ITGA8: variants seen among roughly 807,000 people sequenced by gnomAD.
ITGA8 encodes integrin alpha-8.
ITGA8 carries 91 observed loss-of-function variants against 142.3 expected under a neutral mutation model. The observed-to-expected ratio is 0.64, with a 90% CI of 0.54 to 0.76. The LOEUF (loss-of-function observed/expected upper bound fraction) is 0.76. ITGA8 is among the 30% of genes least tolerant of loss of function. The pLI is 0.00. For missense variants in ITGA8, 1,406 were observed against 1,327.7 expected (o/e 1.06, Z -0.92); for synonymous variants, 505 against 485.2 (o/e 1.04, Z -0.54).
chr10:15,572,887 G>T (rs1337987236), intron 24 of ITGA8, among the ~76,000 whole-genome samples: 1 of 152,276 alleles, frequency 6.6e-6, no homozygotes, highest in East Asian at 1.9e-4. Context: ...GTGTTTCAAA[G>T]CTGAGCTCCT....
chr10:15,605,325 G>T (rs984845345), intron 19 of ITGA8, among the ~76,000 whole-genome samples: 1 of 152,146 alleles, frequency 6.6e-6, no homozygotes, highest in African/African-American at 2.4e-5. Context: ...TGTTTTGACA[G>T]TTTTAAGGAT....
chr10:15,670,776 C>T (rs760712094), intron 8 of ITGA8, among the ~76,000 whole-genome samples: 1 of 152,112 alleles, frequency 6.6e-6, no homozygotes, highest in East Asian at 1.9e-4. Flanking sequence ...TGAATAGATC[C>T]CAGAATTGTT....
chr10:15,644,355 A>G, intron 12 of ITGA8, 134 bp from the exon 13 acceptor site: 1 of 705,684 alleles, frequency 1.4e-6, no homozygotes, highest in African/African-American at 1.8e-5. Flanking sequence ...GCAGCCCCAC[A>G]CTCCCGGACT....
intron 2 of ITGA8, among the ~76,000 whole-genome samples, chr10:15,689,922 G>A (rs1360929545): frequency 6.6e-6 from 1 of 152,116 alleles, no homozygotes; most frequent in African/African-American, 2.4e-5. Flanking sequence ...CACCCCTTCG[G>A]CGCCAGAACC....
At chr10:15,537,332 A>C (rs1056670300) in intron 27 of ITGA8, among the ~76,000 whole-genome samples, 2 of 152,208 alleles carry the variant, frequency 1.3e-5, no homozygotes, top group African/African-American at 4.8e-5. Flanking sequence ...CTGACACTGA[A>C]ATAAGCAGAA....
At chr10:15,641,427 C>T (rs1013064509) in intron 13 of ITGA8, among the ~76,000 whole-genome samples, 1 of 152,128 alleles carries the variant, frequency 6.6e-6, no homozygotes, top group East Asian at 1.9e-4. Flanking sequence ...AGAATCTAGT[C>T]GCCTGCCTCT....
intron 2 of ITGA8, among the ~76,000 whole-genome samples, chr10:15,704,346 C>A (rs1835219203): frequency 6.6e-6 from 1 of 152,150 alleles, no homozygotes. Context: ...CACTACTGCA[C>A]CTGCTAATTT....
chr10:15,636,508 C>G (rs1833774323), intron 13 of ITGA8, among the ~76,000 whole-genome samples: 2 of 152,186 alleles, frequency 1.3e-5, no homozygotes, highest in South Asian at 4.1e-4. Context: ...AATTATTCCA[C>G]ACATTATTTC....
intron 2 of ITGA8, among the ~76,000 whole-genome samples, chr10:15,711,577 C>T (rs951751306): frequency 1.3e-5 from 2 of 151,904 alleles, no homozygotes; most frequent in African/African-American, 2.4e-5. Flanking sequence ...TGATCTACAG[C>T]ATCATGGGTT....
At chr10:15,664,553 A>G (rs1355141740) in intron 8 of ITGA8, among the ~76,000 whole-genome samples, 1 of 150,800 alleles carries the variant, frequency 6.6e-6, no homozygotes, top group Non-Finnish European at 1.5e-5. Flanking sequence ...TTTAGGGTAC[A>G]TGTGCACAAT....
intron 13 of ITGA8, among the ~76,000 whole-genome samples, chr10:15,635,883 CA>C (rs1833763415): frequency 6.6e-6 from 1 of 150,730 alleles, no homozygotes; most frequent in Non-Finnish European, 1.5e-5. Flanking sequence ...AGCCTCCTTC[CA>C]TGCGCAGGTT....
rs531517361 is a variant in ITGA8, at chr10:15,701,112, G to A, written c.344-13074C>T. Among the ~76,000 whole-genome samples, 32 of 152,148 alleles carry A rather than the reference G, an allele frequency of 2.1e-4. No homozygotes were observed. The South Asian group carries it at 2.7e-3, about 13-fold the overall frequency. Reference sequence around the variant, plus strand: ...CTATTCATTCAAAAATTTGTCAAGGGTACATTGTTCAGTATGATCCCACTT... The same window carrying A: ...CTATTCATTCAAAAATTTGTCAAGGATACATTGTTCAGTATGATCCCACTT... On this transcript the variant is annotated intron_variant, in intron 2 of 29. Coordinates refer to ENST00000378076, the MANE Select transcript of ITGA8 (RefSeq NM_003638.3).
At chr10:15,525,004 A>G (rs933328159) in intron 28 of ITGA8, among the ~76,000 whole-genome samples, 2 of 151,982 alleles carry the variant, frequency 1.3e-5, no homozygotes, top group African/African-American at 4.8e-5. Flanking sequence ...TTCAAATAAT[A>G]TTTATTTATT....
At chr10:15,664,222 A>C (rs982801092) in intron 8 of ITGA8, among the ~76,000 whole-genome samples, 1 of 152,182 alleles carries the variant, frequency 6.6e-6, no homozygotes, top group Non-Finnish European at 1.5e-5. Flanking sequence ...GTAAGAAGTG[A>C]GGTCAGGGTT....
intron 25 of ITGA8, among the ~76,000 whole-genome samples, chr10:15,568,487 G>A (rs1249933053): frequency 6.6e-6 from 1 of 152,160 alleles, no homozygotes; most frequent in Non-Finnish European, 1.5e-5. Context: ...ACTATAACCA[G>A]TTTCTACTGT....
intron 10 of ITGA8, among the ~76,000 whole-genome samples, chr10:15,657,509 CATTTTTTTT>C (rs1834207457): frequency 1.7e-5 from 2 of 116,500 alleles, no homozygotes; most frequent in Admixed American, 9.3e-5. Context: ...TCTTTTCTTT[CATTTTTTTT>C]TTTTTTTTTT....
rs773611380 is a variant in ITGA8, at chr10:15,517,152, T to C, written c.*6A>G. ...TTGAGGTCTTTGGTCTTCTTTTTTT[T>C]TCTTGTCATGCCTCAGGGGTCTTGT... On this transcript the variant is annotated 3_prime_UTR_variant, in exon 30 of 30. Transcript: ENST00000378076. 6.2e-6 allele frequency: 10 copies of C among 1,606,834 alleles called. No individual in the cohort carries two copies. The highest frequency in any genetic ancestry group is 3.3e-4 in the Middle Eastern group (2 of 6,030).
intron 12 of ITGA8, 32 bp downstream of exon 12, chr10:15,646,814 A>G: frequency 6.4e-7 from 1 of 1,564,004 alleles, no homozygotes; most frequent in Non-Finnish European, 8.8e-7. Context: ...GTGACGACAC[A>G]TAAATGACTT....
At chr10:15,521,575 T>A (rs1037935806) in intron 28 of ITGA8, among the ~76,000 whole-genome samples, 1 of 152,194 alleles carries the variant, frequency 6.6e-6, no homozygotes, top group Non-Finnish European at 1.5e-5. Context: ...ATGTTCTTCA[T>A]GAGAAAAAGG....
Sources: gnomAD v4.1 joint callset for allele counts (sites outside exome capture counted in the v4.1 genomes callset) on GRCh38, gnomAD v4.1.1 for gene constraint, MANE v1.5 for transcripts, NCBI Gene and HGNC (gene_info 2026-07-23, HGNC 2026-07-21) for gene names.